UHMK1: variants seen among roughly 807,000 people sequenced by gnomAD.
UHMK1 encodes U2AF homology motif kinase 1.
A neutral mutation model predicts 44.0 loss-of-function variants in UHMK1; 18 were observed. The ratio of observed to expected loss-of-function variants is 0.41; its 90% CI spans 0.28 to 0.61. The LOEUF (loss-of-function observed/expected upper bound fraction) is 0.61. Ranked by LOEUF, UHMK1 falls within the 20% of genes least tolerant of loss-of-function variation. The pLI is 0.31. For missense variants in UHMK1, 463 were observed against 522.5 expected (o/e 0.89, Z 1.11); for synonymous variants, 231 against 198.5 (o/e 1.16, Z -1.38).
At chr1:162,517,817 G>A (rs1442288377) in intron 6 of UHMK1, among the ~76,000 whole-genome samples, 6 of 152,096 alleles carry the variant, frequency 3.9e-5, no homozygotes, top group East Asian at 1.9e-4. Flanking sequence ...CCCGAGAGGC[G>A]GAGGTTGCAG....
rs1652364136 is a variant in UHMK1, at chr1:162,529,300, A to G, written c.*6750A>G. On this transcript the variant is annotated 3_prime_UTR_variant, in exon 8 of 8. Transcript: ENST00000489294. ...AAACAAAAACTAAGTGGGACTATGT[A>G]TGTAGATGTGTGTCAGTACCAAAAA... The G allele has an allele frequency of 6.6e-6, 1 of 152,028 alleles. No individual in the cohort carries two copies. The highest frequency in any genetic ancestry group is 6.5e-5 in the Admixed American group (1 of 15,272). The allele number at this position is 152,028 out of a possible 1,614,324, so 9.4% of individuals were successfully genotyped here. A position where few individuals can be genotyped will look rare whatever the true frequency, so the allele number is the denominator to read the frequency against.
intron 4 of UHMK1, among the ~76,000 whole-genome samples, chr1:162,510,193 T>A (rs969168577): frequency 1.3e-5 from 2 of 152,252 alleles, no homozygotes; most frequent in African/African-American, 2.4e-5. Context: ...ATGCATTATT[T>A]TACATAGTTA....
chr1:162,503,885 T>G (rs999346810), intron 4 of UHMK1, 37 bp downstream of exon 4: 1 of 1,515,958 alleles, frequency 6.6e-7, no homozygotes, highest in Non-Finnish European at 9.1e-7. Context: ...TTTGCATTCA[T>G]GTACTATGTG....
intron 1 of UHMK1, 39 bp from the exon 2 acceptor site, chr1:162,499,916 T>G: frequency 1.3e-6 from 2 of 1,599,178 alleles, no homozygotes; most frequent in Non-Finnish European, 1.7e-6. Flanking sequence ...TGACTTACTC[T>G]GAGTCTGATT....
At chr1:162,512,167 A>G (rs1457284754) in intron 4 of UHMK1, among the ~76,000 whole-genome samples, 1 of 149,976 alleles carries the variant, frequency 6.7e-6, no homozygotes, top group Non-Finnish European at 1.5e-5. Context: ...AGATTCAACA[A>G]TCATCCCACC....
At position 162,507,760 on chromosome 1, in the gene UHMK1, G is replaced by A. The variant is rs186439801; in HGVS notation, c.848+3912G>A. On this transcript the variant is annotated intron_variant, in intron 4 of 7. Transcript: ENST00000489294. ...CGCTACCACACCCAGCTAATTTTGT[G>A]TATTTTTAGTAGAGACAGGGTTTCA... Among the ~76,000 whole-genome samples, 58 of 150,106 alleles carry A rather than the reference G, an allele frequency of 3.9e-4. 1 individual carries two copies. In the East Asian group the frequency reaches 0.011, roughly 29 times the overall value.
At chr1:162,499,863 C>G in intron 1 of UHMK1, 92 bp from the exon 2 acceptor site, 1 of 1,218,712 alleles carries the variant, frequency 8.2e-7, no homozygotes, top group East Asian at 2.4e-5. Flanking sequence ...TTATCCTTAT[C>G]TAGACTATCT....
At position 162,523,253 on chromosome 1, in the gene UHMK1, GTACTT is replaced by G. The variant is rs1652125179; in HGVS notation, c.*706_*710del. On this transcript the variant is annotated 3_prime_UTR_variant, in exon 8 of 8. Coordinates refer to ENST00000489294, the MANE Select transcript of UHMK1 (RefSeq NM_175866.5). ...ATGATTAGAGAAAATTTGAGTCAGT[GTACTT>G]TATAGTGTGAATCCTGTGAGCTAAT... 2 of 152,620 alleles carry G rather than the reference GTACTT, an allele frequency of 1.3e-5. No individual in the cohort carries two copies. The highest frequency in any genetic ancestry group is 1.3e-4 in the Admixed American group (2 of 15,280). 9.5% of individuals were successfully genotyped at this position (152,620 alleles called of 1,614,324 possible).
At chr1:162,504,437 C>T (rs1484056185) in intron 4 of UHMK1, among the ~76,000 whole-genome samples, 3 of 152,160 alleles carry the variant, frequency 2.0e-5, no homozygotes, top group Non-Finnish European at 2.9e-5. Context: ...GTAAATGATA[C>T]AGACTTCTGC....
At chr1:162,500,439 C>A in intron 2 of UHMK1, 192 bp downstream of exon 2, 1 of 644,922 alleles carries the variant, frequency 1.6e-6, no homozygotes, top group Non-Finnish European at 2.5e-6. Flanking sequence ...ATGTTTGGGT[C>A]AGGTAGGAGG....
upstream of UHMK1, chr1:162,497,731 C>T: frequency 8.8e-7 from 1 of 1,140,928 alleles, no homozygotes; most frequent in Non-Finnish European, 1.1e-6. Flanking sequence ...CCAAACCTAG[C>T]GCGTCTAATC....
At chr1:162,498,379 T>TAGCC (rs1651143839) in intron 1 of UHMK1, 111 bp downstream of exon 1, 22 of 1,331,136 alleles carry the variant, frequency 1.7e-5, no homozygotes, top group Non-Finnish European at 1.8e-5. Context: ...GAAGCGGGTT[T>TAGCC]AGCCCTCTTT....
intron 7 of UHMK1, among the ~76,000 whole-genome samples, chr1:162,521,407 A>G (rs1215797847): frequency 6.6e-6 from 1 of 152,120 alleles, no homozygotes; most frequent in Middle Eastern, 3.2e-3. Flanking sequence ...GGGCATAATT[A>G]AGAATCAGGT....
At chr1:162,509,322 C>T (rs1274518444) in intron 4 of UHMK1, among the ~76,000 whole-genome samples, 1 of 152,162 alleles carries the variant, frequency 6.6e-6, no homozygotes, top group Non-Finnish European at 1.5e-5. Context: ...AAGATTTCTT[C>T]TCACTGTGGG....
At chr1:162,516,936 A>G (rs577747663) in intron 6 of UHMK1, among the ~76,000 whole-genome samples, 48 of 152,330 alleles carry the variant, frequency 3.2e-4, no homozygotes, top group African/African-American at 1.1e-3. Flanking sequence ...ATGGAAAGCA[A>G]ATTGGAAAAA....
chr1:162,511,553 C>T (rs1480103777), intron 4 of UHMK1, among the ~76,000 whole-genome samples: 1 of 152,110 alleles, frequency 6.6e-6, no homozygotes, highest in South Asian at 2.1e-4. Context: ...TAAGTTGTCT[C>T]TTCACCCTGT....
intron 7 of UHMK1, 45 bp from the exon 8 acceptor site, chr1:162,522,359 C>T: frequency 6.2e-7 from 1 of 1,606,102 alleles, no homozygotes; most frequent in Non-Finnish European, 8.5e-7. Context: ...TGGTCTAAAA[C>T]AATCTTGGTG....
At position 162,497,941 on chromosome 1, in the gene UHMK1, C is replaced by T. The variant is rs1240759439; in HGVS notation, c.-60C>T. The T allele has an allele frequency of 3.5e-6, 5 of 1,434,834 alleles. No homozygotes were observed. The highest frequency in any genetic ancestry group is 5.4e-5 in the East Asian group (2 of 37,092). 88.9% of individuals were successfully genotyped at this position (1,434,834 alleles called of 1,614,324 possible). ...GGCTGGCGGAGATGTGACCGCGGGC[C>T]CGGCCGGCCTGCCTCAGGCGTCGCG... On this transcript the variant is annotated 5_prime_UTR_variant, in exon 1 of 8. Transcript: ENST00000489294.
At position 162,526,741 on chromosome 1, in the gene UHMK1, T is replaced by C. The variant is rs116388489; in HGVS notation, c.*4191T>C. 1.3e-3 allele frequency: 203 copies of C among 152,286 alleles called. No homozygotes were observed. Among genetic ancestry groups the C allele is most frequent in the African/African-American group, 4.7e-3 (196 of 41,558 alleles). The allele number at this position is 152,286 out of a possible 1,614,324, so 9.4% of individuals were successfully genotyped here. On this transcript the variant is annotated 3_prime_UTR_variant, in exon 8 of 8. Coordinates refer to ENST00000489294, the MANE Select transcript of UHMK1 (RefSeq NM_175866.5). ...TATTTTTTTGTATATGTAAAACTAT[T>C]CATATTTGATTTTATTCCAATATTA... is the stretch of plus-strand genomic sequence containing the variant.
Sources: gnomAD v4.1 joint callset for allele counts (sites outside exome capture counted in the v4.1 genomes callset) on GRCh38, gnomAD v4.1.1 for gene constraint, MANE v1.5 for transcripts, NCBI Gene and HGNC (gene_info 2026-07-23, HGNC 2026-07-21) for gene names.